The following NAV2 variants were observed in gnomAD, a reference collection of about 807,000 sequenced individuals.
The protein encoded by NAV2 is helicase, APC down-regulated 1.
A neutral mutation model predicts 223.2 loss-of-function variants in NAV2; 54 were observed. The observed-to-expected ratio is 0.24, with a 90% confidence interval of 0.19 to 0.30. The LOEUF is 0.30. Ranked by LOEUF, NAV2 falls within the 10% of genes least tolerant of loss-of-function variation. NAV2 has a pLI of 1.00. For missense variants in NAV2, 2,806 were observed against 3,147.5 expected, an observed-to-expected ratio of 0.89 and a Z score of 2.60; for synonymous variants, 1,279 against 1,239.3, an observed-to-expected ratio of 1.03 and a Z score of -0.67.
intron 1 of NAV2, among the ~76,000 whole-genome samples, chr11:19,654,275 A>T (rs2048053873): frequency 6.6e-6 from 1 of 152,228 alleles, no homozygotes; most frequent in African/African-American, 2.4e-5. Context: ...TTCCATGCTC[A>T]TGGGTAGGAA....
At chr11:19,738,244 T>G (rs965051826) in intron 1 of NAV2, among the ~76,000 whole-genome samples, 2 of 152,204 alleles carry the variant, frequency 1.3e-5, no homozygotes, top group South Asian at 4.1e-4. Context: ...GTCGGGTCCC[T>G]TTCCTCCCTC....
intron 1 of NAV2, among the ~76,000 whole-genome samples, chr11:19,723,243 C>T (rs1273165524): frequency 6.6e-6 from 1 of 152,234 alleles, no homozygotes; most frequent in Non-Finnish European, 1.5e-5. Flanking sequence ...CATTTCCTTA[C>T]ATAATCTCAT....
At chr11:20,002,134 T>C (rs980053878) in intron 11 of NAV2, among the ~76,000 whole-genome samples, 2 of 152,202 alleles carry the variant, frequency 1.3e-5, no homozygotes, top group African/African-American at 2.4e-5. Context: ...GGGATCCTTT[T>C]TATTAGGCAC....
At chr11:19,715,856 G>A (rs1211650091) in intron 1 of NAV2, among the ~76,000 whole-genome samples, 1 of 152,164 alleles carries the variant, frequency 6.6e-6, no homozygotes, top group Non-Finnish European at 1.5e-5. Flanking sequence ...TGGATGGACT[G>A]CTAAGGAAAT....
chr11:20,028,951 G>A (rs550368528), intron 11 of NAV2, among the ~76,000 whole-genome samples: 2 of 152,298 alleles, frequency 1.3e-5, no homozygotes, highest in South Asian at 2.1e-4. Context: ...CTCCCATGGG[G>A]ATTGTATCAA....
rs11025201 is a variant in NAV2 at position 19,628,156 on chromosome 11, G to A, written c.76-204328G>A. On this transcript the variant is annotated intron_variant, in intron 1 of 37. Coordinates refer to the NAV2 transcript ENST00000360655. ...GGCCCCAGGGTTTGGCTCCCTGGAT[G>A]CTCCCCATCCGGTCAGGAAGTGCCT... is the stretch of plus-strand genomic sequence containing the variant. Among the ~76,000 whole-genome samples the A allele has an allele frequency of 1.6e-3, 237 of 152,272 alleles. 3 individuals carry two copies. In the East Asian group the frequency reaches 0.03, roughly 19 times the overall value.
At chr11:19,786,520 T>C (rs1163786622) in intron 1 of NAV2, among the ~76,000 whole-genome samples, 1 of 152,220 alleles carries the variant, frequency 6.6e-6, no homozygotes, top group Non-Finnish European at 1.5e-5. Context: ...TCATTGAGAT[T>C]GCATACAGCT....
intron 10 of NAV2, among the ~76,000 whole-genome samples, chr11:19,978,273 C>T (rs1334141360): frequency 6.6e-6 from 1 of 152,080 alleles, no homozygotes; most frequent in Non-Finnish European, 1.5e-5. Context: ...TCCAGAAACT[C>T]GATTTGCATC....
At chr11:19,454,184 G>C (rs753037018) in intron 1 of NAV2, among the ~76,000 whole-genome samples, 26 of 152,188 alleles carry the variant, frequency 1.7e-4, no homozygotes, top group Non-Finnish European at 3.5e-4. Context: ...TGGAGCACAG[G>C]GAAGCTGGAA....
intron 1 of NAV2, among the ~76,000 whole-genome samples, chr11:19,529,970 T>A (rs574432645): frequency 6.6e-6 from 1 of 152,274 alleles, no homozygotes; most frequent in South Asian, 2.1e-4. Flanking sequence ...TGCTGGAAGG[T>A]CATGGGATAT....
intron 17 of NAV2, among the ~76,000 whole-genome samples, chr11:20,053,754 T>C (rs2058177346): frequency 6.6e-6 from 1 of 152,206 alleles, no homozygotes; most frequent in Admixed American, 6.5e-5. Flanking sequence ...TTCAGTCCTG[T>C]CAAGGTGGGG....
At position 19,649,712 on chromosome 11, in the gene NAV2, A is replaced by G. The variant is rs527446817; in HGVS notation, c.76-182772A>G. ...TTTCAACATATGAATTTGGGGGAAT[A>G]TAATATTCAGTCTATCATAAACACA... On this transcript the variant is annotated intron_variant, in intron 1 of 37. Transcript: ENST00000360655. 2.1e-4 allele frequency among the ~76,000 whole-genome samples: 32 copies of G among 152,350 alleles called. No homozygotes were observed. The South Asian group carries it at 3.5e-3, about 17-fold the overall frequency.
chr11:19,428,708 A>C (rs1850931407), intron 1 of NAV2, among the ~76,000 whole-genome samples: 1 of 152,178 alleles, frequency 6.6e-6, no homozygotes, highest in Non-Finnish European at 1.5e-5. Flanking sequence ...CCTCTATGCC[A>C]CCTAGTCATC....
chr11:19,596,239 A>G (rs1052058399), intron 1 of NAV2, among the ~76,000 whole-genome samples: 19 of 152,318 alleles, frequency 1.2e-4, no homozygotes, highest in African/African-American at 4.6e-4. Flanking sequence ...CTGGCAAACC[A>G]GAGCCTATGA....
chr11:20,074,047 C>T (rs542074340), intron 22 of NAV2, among the ~76,000 whole-genome samples: 2 of 152,242 alleles, frequency 1.3e-5, no homozygotes, highest in South Asian at 2.1e-4. Context: ...TTAGATCTTT[C>T]CTGCTTTCTC....
Position 19,447,060 on chromosome 11 carries a change from C to T in NAV2, c.75+96033C>T, listed in dbSNP as rs201073913. Among the ~76,000 whole-genome samples, 23 of 152,274 alleles carry T rather than the reference C, an allele frequency of 1.5e-4. No homozygotes were observed. In the East Asian group the frequency reaches 1.9e-3, roughly 13 times the overall value. The stretch of plus-strand genomic sequence containing the variant: ...AAGGGAGTTCTATGTATCCCCTCCC[C>T]GGAATCAAGAAGATTTTGCCCCACT... On this transcript the variant is annotated intron_variant, in intron 1 of 37. Transcript: ENST00000360655.
At chr11:19,621,991 C>T (rs369294132) in intron 1 of NAV2, among the ~76,000 whole-genome samples, 21 of 152,206 alleles carry the variant, frequency 1.4e-4, no homozygotes, top group Middle Eastern at 3.4e-3. Flanking sequence ...ACATCTTTAT[C>T]TCTGCCTTCA....
chr11:19,368,740 G>A (rs778945747), intron 1 of NAV2, among the ~76,000 whole-genome samples: 1 of 152,174 alleles, frequency 6.6e-6, no homozygotes, highest in African/African-American at 2.4e-5. Context: ...ATAAGTGATA[G>A]AGCATGTATT....
At chr11:19,570,214 G>A (rs572631583) in intron 1 of NAV2, among the ~76,000 whole-genome samples, 7 of 152,302 alleles carry the variant, frequency 4.6e-5, no homozygotes, top group African/African-American at 1.2e-4. Context: ...CCCTGCCTCT[G>A]CTCTGCATGG....
Sources: gnomAD v4.1 joint callset for allele counts (sites outside exome capture counted in the v4.1 genomes callset) on GRCh38, gnomAD v4.1.1 for gene constraint, MANE v1.5 for transcripts, NCBI Gene and HGNC (gene_info 2026-07-23, HGNC 2026-07-21) for gene names.